ZNF33A: variants seen among roughly 807,000 people sequenced by gnomAD.
The protein encoded by ZNF33A is brain my041 protein.
ZNF33A carries 9 observed loss-of-function variants against 15.9 expected under a neutral mutation model. The observed-to-expected ratio is 0.57, with a 90% CI of 0.34 to 0.99. ZNF33A has a LOEUF of 0.99. Among genes scored for constraint, ZNF33A ranks in the 50% least tolerant of loss-of-function variants. The pLI is 0.02. For missense variants in ZNF33A, 843 were observed against 941.6 expected, an observed-to-expected ratio of 0.90 and a Z score of 1.37; for synonymous variants, 294 against 324.2, an observed-to-expected ratio of 0.91 and a Z score of 1.00.
chr10:38,047,442 A>G (rs2065996256), intron 4 of ZNF33A, among the ~76,000 whole-genome samples: 2 of 151,732 alleles, frequency 1.3e-5, no homozygotes, highest in South Asian at 4.2e-4. Flanking sequence ...ATGTTGGCCA[A>G]CATGGTGAAA....
chr10:38,057,463 A>G lies in ZNF33A; in HGVS notation c.*903A>G, dbSNP rs2066532689. On this transcript the variant is annotated 3_prime_UTR_variant, in exon 5 of 5. Coordinates refer to ENST00000432900, the MANE Select transcript of ZNF33A (RefSeq NM_006954.2). ...ATGTGATATAAATCGTGTGTTTCAT[A>G]TGCATAATGGAATTTAACGTAATTG... 1.0e-6 allele frequency: 1 copy of G among 985,450 alleles called. No individual in the cohort carries two copies. Among genetic ancestry groups the G allele is most frequent in the Non-Finnish European group, 1.2e-6 (1 of 829,932 alleles). The allele number at this position is 985,450 out of a possible 1,614,324, so 61.0% of individuals were successfully genotyped here. A position where few individuals can be genotyped will look rare whatever the true frequency, so the allele number is the denominator to read the frequency against.
rs536607592 is a variant in ZNF33A at position 38,024,856 on chromosome 10, AC to A, written c.250+7473del. 2.9e-3 allele frequency among the ~76,000 whole-genome samples: 447 copies of A among 152,310 alleles called. 1 individual carries two copies. Among genetic ancestry groups the A allele is most frequent in the South Asian group, 7.0e-3 (34 of 4,826 alleles). On this transcript the variant is annotated intron_variant, in intron 4 of 4. Coordinates refer to ENST00000432900, the MANE Select transcript of ZNF33A (RefSeq NM_006954.2). ...CTGTCCTGTCCCAGGACATGAATCA[AC>A]CCTATGTCTAGCATACCCAGGCTGT...
chr10:38,015,338 C>T (rs1024363050), intron 2 of ZNF33A, among the ~76,000 whole-genome samples: 1 of 150,690 alleles, frequency 6.6e-6, no homozygotes, highest in African/African-American at 2.4e-5. Context: ...GAGTTTTGCT[C>T]TTGTTACCCA....
In ZNF33A at chr10:38,055,328, T is replaced by C; in HGVS notation, c.1204T>C (p.Leu402=). 1.2e-6 allele frequency: 2 copies of C among 1,613,420 alleles called. No homozygotes were observed. The highest frequency in any genetic ancestry group is 2.2e-5 in the South Asian group (2 of 91,022). Residue 402 remains leucine, a synonymous_variant, in exon 5 of 5, where the codon TTA becomes CTA. Transcript: ENST00000432900. ...CTTTAGCCATAAGTCAGCCCTCACA[T>C]TACACCAGAGAACACATACAGGGGA... The part of the protein sequence containing the change: ...KAFSHKSALT[L]HQRTHTGEKP...
intron 2 of ZNF33A, among the ~76,000 whole-genome samples, chr10:38,014,190 C>T (rs943609470): frequency 1.1e-4 from 17 of 151,784 alleles, no homozygotes; most frequent in African/African-American, 2.7e-4. Flanking sequence ...TACAGGCACG[C>T]GCCATCACAC....
rs1446603451 is a variant in ZNF33A, at chr10:38,055,126, T to C, written c.1002T>C (p.Cys334=). 6 of 1,613,996 alleles carry C rather than the reference T, an allele frequency of 3.7e-6. No individual in the cohort carries two copies. The South Asian group carries it at 4.4e-5, about 12-fold the overall frequency. ...KGEKHFECNE[C]GKAFWEKSHL... The stretch of plus-strand genomic sequence containing the variant: ...AGAAACACTTTGAATGTAATGAATG[T>C]GGGAAAGCTTTCTGGGAGAAGTCAC... The change falls in exon 5 of 5, where the codon TGT becomes TGC. Residue 334 remains cysteine, a synonymous_variant. Coordinates refer to ENST00000432900, the MANE Select transcript of ZNF33A (RefSeq NM_006954.2).
chr10:38,065,111 T>C (rs79818011), downstream of ZNF33A: 9,158 of 152,820 alleles, frequency 0.06, 356 homozygotes, highest in Middle Eastern at 0.1. Flanking sequence ...CGCTGCAATG[T>C]CCAGGCTGGA....
intron 1 of ZNF33A, among the ~76,000 whole-genome samples, 196 bp downstream of exon 1, chr10:38,010,979 G>GGTACGCAGC (rs1590414813): frequency 1.3e-5 from 2 of 152,248 alleles, no homozygotes; most frequent in East Asian, 3.9e-4. Flanking sequence ...TACGGAGCAG[G>GGTACGCAGC]GTACGCAGCG....
chr10:38,055,335 A>C lies in ZNF33A; in HGVS notation c.1211A>C (p.Gln404Pro). The change falls in exon 5 of 5, where the codon CAG becomes CCG. Residue 404 changes from glutamine (Q) to proline (P), a missense_variant. By Grantham distance (76) the Gln-to-Pro change is moderately conservative (BLOSUM62 -1). Coordinates refer to ENST00000432900, the MANE Select transcript of ZNF33A (RefSeq NM_006954.2). ...CATAAGTCAGCCCTCACATTACACC[A>C]GAGAACACATACAGGGGAGAAACCC... is the stretch of plus-strand genomic sequence containing the variant. ...FSHKSALTLH[Q>P]RTHTGEKPYQ... The C allele has an allele frequency of 6.2e-7, 1 of 1,614,150 alleles. No homozygotes were observed. The highest frequency in any genetic ancestry group is 1.1e-5 in the South Asian group (1 of 91,080).
At chr10:38,029,599 AGCTGTGT>A (rs1462910146) in intron 4 of ZNF33A, among the ~76,000 whole-genome samples, 1 of 152,112 alleles carries the variant, frequency 6.6e-6, no homozygotes, top group Non-Finnish European at 1.5e-5. Flanking sequence ...GACAGTTTGG[AGCTGTGT>A]ACTCCACCAT....
At chr10:38,053,180 G>A (rs558028675) in intron 4 of ZNF33A, among the ~76,000 whole-genome samples, 11 of 152,206 alleles carry the variant, frequency 7.2e-5, no homozygotes, top group Admixed American at 3.9e-4. Context: ...TCAGGCTGCT[G>A]TAACAAAATT....
At chr10:38,025,918 G>A (rs1262962269) in intron 4 of ZNF33A, among the ~76,000 whole-genome samples, 10 of 152,226 alleles carry the variant, frequency 6.6e-5, no homozygotes. Context: ...TTGCTATTAA[G>A]CAGTAACTAC....
downstream of ZNF33A, among the ~76,000 whole-genome samples, chr10:38,061,647 A>G (rs776169274): frequency 6.6e-6 from 1 of 152,116 alleles, no homozygotes; most frequent in Admixed American, 6.5e-5. Flanking sequence ...TCCAAAAGTC[A>G]TGTTGAGGCT....
At chr10:38,010,620 G>C (rs1271744522), upstream of ZNF33A, 1 of 1,289,444 alleles carries the variant, frequency 7.8e-7, no homozygotes, top group Non-Finnish European at 1.1e-6. Flanking sequence ...GGCGCCAACA[G>C]CATCAAGCTG....
intron 2 of ZNF33A, 118 bp downstream of exon 2, chr10:38,012,468 G>A (rs1262433617): frequency 8.4e-7 from 1 of 1,190,104 alleles, no homozygotes; most frequent in African/African-American, 1.9e-5. Context: ...GTCTCACTCT[G>A]TCACCCAGGC....
intron 2 of ZNF33A, among the ~76,000 whole-genome samples, chr10:38,013,311 G>A (rs143589335): frequency 1.7e-4 from 25 of 148,994 alleles, no homozygotes; most frequent in Non-Finnish European, 2.2e-4. Context: ...GGGTTTTACC[G>A]TGTTGGCCAG....
downstream of ZNF33A, among the ~76,000 whole-genome samples, chr10:38,065,347 G>T (rs145094653): frequency 3.9e-3 from 601 of 152,218 alleles, 7 homozygotes; most frequent in African/African-American, 0.014. Flanking sequence ...TGAGATTACA[G>T]GCATGAGCCA....
At chr10:38,067,698 A>C (rs2066720399), downstream of ZNF33A, among the ~76,000 whole-genome samples, 1 of 144,828 alleles carries the variant, frequency 6.9e-6, no homozygotes, top group South Asian at 2.3e-4. Context: ...GATAGCCTTC[A>C]TCCAGAGATC....
At chr10:38,041,098 C>T (rs2065678349) in intron 4 of ZNF33A, among the ~76,000 whole-genome samples, 2 of 152,010 alleles carry the variant, frequency 1.3e-5, no homozygotes, top group Admixed American at 6.6e-5. Context: ...CTTTTGCTTT[C>T]TTTTACATGA....
Sources: allele counts gnomAD v4.1 joint callset (sites outside exome capture counted in the v4.1 genomes callset), GRCh38; gene constraint gnomAD v4.1.1; transcripts MANE v1.5; gene names NCBI Gene and HGNC (gene_info 2026-07-23, HGNC 2026-07-21).